Variants in HMMR observed in about 807,000 individuals in gnomAD.
HMMR encodes the protein hyaluronan mediated motility receptor, also known as intracellular hyaluronic acid-binding protein.
HMMR carries 108 observed loss-of-function variants against 101.0 expected under a neutral mutation model. That is an observed-to-expected ratio of 1.07 (90% CI 0.92 to 1.25). The LOEUF (loss-of-function observed/expected upper bound fraction) is 1.25. Ranked by LOEUF, HMMR falls within the 50% of genes most tolerant of loss-of-function variation. The pLI, the probability that HMMR is intolerant of heterozygous loss-of-function variation, is 0.00. For missense variants in HMMR, 813 were observed against 788.7 expected (o/e 1.03, Z -0.37); for synonymous variants, 296 against 276.4 (o/e 1.07, Z -0.70).
chr5:163,460,884 T>G, intron 1 of HMMR, 146 bp downstream of exon 1: 1 of 718,968 alleles, frequency 1.4e-6, no homozygotes, highest in South Asian at 1.6e-5. Context: ...AAATATGCTC[T>G]AAGCATCTGT....
At position 163,489,617 on chromosome 5, in the gene HMMR, A is replaced by T. The variant is rs528373022; in HGVS notation, c.1963-773A>T. On this transcript the variant is annotated intron_variant, in intron 16 of 17. Coordinates refer to ENST00000393915, the MANE Select transcript of HMMR (RefSeq NM_001142556.2). Reference sequence around the variant, plus strand: ...TTGAGTAACCTCCTGGTGTAGAACCATCCCCCTCATGAGCCAGAGAAAGAG... The same window carrying T: ...TTGAGTAACCTCCTGGTGTAGAACCTTCCCCCTCATGAGCCAGAGAAAGAG... 3.3e-5 allele frequency among the ~76,000 whole-genome samples: 5 copies of T among 151,888 alleles called. No homozygotes were observed. In the South Asian group the frequency reaches 1.0e-3, roughly 32 times the overall value.
chr5:163,478,821 C>A (rs751984961), intron 12 of HMMR, 21 bp downstream of exon 12: 2 of 1,307,182 alleles, frequency 1.5e-6, no homozygotes, highest in Non-Finnish European at 2.2e-6. Context: ...TGGGAGCCTG[C>A]ACTCTTAAAT....
Position 163,482,572 on chromosome 5 carries a change from A to AC in HMMR, c.1386-70_1386-69insC, listed in dbSNP as rs1350814877. On this transcript the variant is annotated intron_variant, in intron 12 of 17. Transcript: ENST00000393915. ...TTTACTTAGAAGTATATAAAGTGTAAACTAATCAGTTATGATTGTCATACG... is the reference window on the plus strand; with the variant it reads ...TTTACTTAGAAGTATATAAAGTGTAACACTAATCAGTTATGATTGTCATACG... 7 of 1,118,814 alleles carry AC rather than the reference A, an allele frequency of 6.3e-6. No individual in the cohort carries two copies. In the African/African-American group the frequency reaches 1.1e-4, roughly 18 times the overall value. The allele number at this position is 1,118,814 out of a possible 1,614,324, so 69.3% of individuals were successfully genotyped here. A position where few individuals can be genotyped will look rare whatever the true frequency, so the allele number is the denominator to read the frequency against.
intron 12 of HMMR, among the ~76,000 whole-genome samples, chr5:163,480,748 T>C (rs1759225344): frequency 6.6e-6 from 1 of 152,188 alleles, no homozygotes; most frequent in African/African-American, 2.4e-5. Context: ...TAATTCATCT[T>C]TCCTTTTCCA....
chr5:163,466,659 C>T (rs1758716864), intron 3 of HMMR, among the ~76,000 whole-genome samples: 2 of 151,976 alleles, frequency 1.3e-5, no homozygotes, highest in Admixed American at 1.3e-4. Context: ...TGAATTAAGA[C>T]GTGCTATAAG....
intron 7 of HMMR, 149 bp from the exon 8 acceptor site, chr5:163,473,030 T>C (rs1758945258): frequency 2.1e-6 from 1 of 479,984 alleles, no homozygotes; most frequent in Middle Eastern, 5.8e-4. Flanking sequence ...ATGTAAATTG[T>C]GAATTTGAGA....
rs751789953 is a variant in HMMR at position 163,478,723 on chromosome 5, C to A, written c.1308C>A (p.Thr436=). ...AELEKSSAAH[T]QATLLLQEKY... ...TGGAGAAAAGTAGTGCTGCTCATAC[C>A]CAGGCCACCCTGCTTTTGCAGGAAA... The change falls in exon 12 of 18, where the codon ACC becomes ACA. Residue 436 remains threonine, a synonymous_variant. Coordinates refer to ENST00000393915, the MANE Select transcript of HMMR (RefSeq NM_001142556.2). 3 of 1,613,210 alleles carry A rather than the reference C, an allele frequency of 1.9e-6. No homozygotes were observed. The highest frequency in any genetic ancestry group is 2.5e-6 in the Non-Finnish European group (3 of 1,179,348).
Position 163,479,824 on chromosome 5 carries a change from G to A in HMMR, c.1385+1024G>A, listed in dbSNP as rs558319874. Among the ~76,000 whole-genome samples, 20 of 151,978 alleles carry A rather than the reference G, an allele frequency of 1.3e-4. No homozygotes were observed. In the East Asian group the frequency reaches 3.9e-3, roughly 29 times the overall value. On this transcript the variant is annotated intron_variant, in intron 12 of 17. Coordinates refer to ENST00000393915, the MANE Select transcript of HMMR (RefSeq NM_001142556.2). ...TCTCCTCCTTTTTCTTCTCTTGACA[G>A]AGAAGATTGTCTCTATATCCACTTC...
chr5:163,485,054 A>G (rs1294394087), intron 16 of HMMR, among the ~76,000 whole-genome samples: 2 of 152,184 alleles, frequency 1.3e-5, no homozygotes, highest in Non-Finnish European at 2.9e-5. Flanking sequence ...GGCTATTATG[A>G]ATAATGCTAC....
At chr5:163,467,124 G>C (rs1488982486) in intron 3 of HMMR, among the ~76,000 whole-genome samples, 1 of 152,132 alleles carries the variant, frequency 6.6e-6, no homozygotes, top group African/African-American at 2.4e-5. Flanking sequence ...CATTCAAGAT[G>C]TTGATGCCTT....
intron 11 of HMMR, 65 bp downstream of exon 11, chr5:163,475,737 T>A (rs543855153): frequency 2.9e-4 from 207 of 723,752 alleles, no homozygotes; most frequent in Non-Finnish European, 2.8e-4. Context: ...AGTACTTTTT[T>A]TAGTATTCTC....
chr5:163,471,523 T>G (rs539452540), intron 7 of HMMR, 60 bp downstream of exon 7: 2 of 1,120,350 alleles, frequency 1.8e-6, no homozygotes, highest in East Asian at 4.8e-5. Context: ...TTTGAGTCTC[T>G]TCACAAATTA....
chr5:163,474,028 C>T (rs928144138), intron 9 of HMMR, 29 bp from the exon 10 acceptor site: 5 of 1,580,200 alleles, frequency 3.2e-6, no homozygotes, highest in African/African-American at 1.4e-5. Context: ...TATCTAATTC[C>T]AGTATTCTTG....
intron 7 of HMMR, among the ~76,000 whole-genome samples, chr5:163,472,080 G>C (rs1043976533): frequency 1.3e-5 from 2 of 149,228 alleles, no homozygotes; most frequent in African/African-American, 5.0e-5. Context: ...ATGGGGCATT[G>C]CTTTGTTACT....
intron 7 of HMMR, among the ~76,000 whole-genome samples, 163 bp from the exon 8 acceptor site, chr5:163,473,014 ATT>A (rs1294019477): frequency 6.6e-6 from 1 of 152,198 alleles, no homozygotes; most frequent in Non-Finnish European, 1.5e-5. Context: ...TTAGTCTTCT[ATT>A]TTGATGTAAA....
At chr5:163,461,086 G>A (rs1285667114) in intron 1 of HMMR, among the ~76,000 whole-genome samples, 2 of 152,180 alleles carry the variant, frequency 1.3e-5, no homozygotes, top group Admixed American at 6.5e-5. Flanking sequence ...TCACTGATAA[G>A]AACACTGGAG....
rs764791952 is a variant in HMMR at position 163,483,011 on chromosome 5, A to T, written c.1533-9A>T. 6.3e-7 allele frequency: 1 copy of T among 1,576,164 alleles called. No individual in the cohort carries two copies. The highest frequency in any genetic ancestry group is 1.2e-5 in the South Asian group (1 of 83,894). On this transcript the variant is annotated splice_polypyrimidine_tract_variant and intron_variant, in intron 13 of 17. Coordinates refer to ENST00000393915, the MANE Select transcript of HMMR (RefSeq NM_001142556.2). ...AATGTTTAGTGACCTCTTCTCTCTC[A>T]AACCAAAGGATGCTTCTAGATCTGC...
chr5:163,466,474 G>A (rs1758712285), intron 3 of HMMR, among the ~76,000 whole-genome samples: 1 of 152,058 alleles, frequency 6.6e-6, no homozygotes, highest in South Asian at 2.1e-4. Context: ...TGCTATTAAA[G>A]AACTAAATTT....
At position 163,473,424 on chromosome 5, in the gene HMMR, G is replaced by A; in HGVS notation, c.771G>A (p.Gln257=). ...QVEKYKLDIA[Q]LEENLKEKND... is the part of the protein sequence containing the mutation. ...AAAAATACAAGCTAGATATTGCCCAGTTAGAAGAAAATTTGAAAGAGAAGA... is the reference window on the plus strand; with the variant it reads ...AAAAATACAAGCTAGATATTGCCCAATTAGAAGAAAATTTGAAAGAGAAGA... The change falls in exon 9 of 18, where the codon CAG becomes CAA. Residue 257 remains glutamine, a synonymous_variant. Transcript: ENST00000393915. 6.2e-7 allele frequency: 1 copy of A among 1,611,238 alleles called. No homozygotes were observed. Among genetic ancestry groups the A allele is most frequent in the Non-Finnish European group, 8.5e-7 (1 of 1,178,452 alleles).
Sources: allele counts gnomAD v4.1 joint callset (sites outside exome capture counted in the v4.1 genomes callset), GRCh38; gene constraint gnomAD v4.1.1; transcripts MANE v1.5; gene names NCBI Gene and HGNC (gene_info 2026-07-23, HGNC 2026-07-21).